Variants in NTM observed in about 807,000 individuals in gnomAD.
NTM encodes the protein IgLON family member 2.
Under a neutral mutation model 42.1 loss-of-function variants are expected in NTM, and 13 were observed. The ratio of observed to expected loss-of-function variants is 0.31; its 90% CI spans 0.20 to 0.49. The LOEUF (loss-of-function observed/expected upper bound fraction) is 0.49. Ranked by LOEUF, NTM falls within the 20% of genes least tolerant of loss-of-function variation. The pLI, the probability that NTM is intolerant of heterozygous loss-of-function variation, is 0.99. For missense variants in NTM, 373 were observed against 452.8 expected (o/e 0.82, Z 1.60); for synonymous variants, 187 against 179.2 (o/e 1.04, Z -0.35).
chr11:132,106,642 C>G (rs933304046), intron 2 of NTM, among the ~76,000 whole-genome samples: 1 of 152,162 alleles, frequency 6.6e-6, no homozygotes, highest in African/African-American at 2.4e-5. Context: ...CTGTCTGTAC[C>G]CACAGCCTAC....
chr11:131,590,900 G>T (rs1275444144), intron 1 of NTM, among the ~76,000 whole-genome samples: 1 of 152,164 alleles, frequency 6.6e-6, no homozygotes. Context: ...GATAGCATGC[G>T]AGTGGATACC....
At chr11:131,831,161 T>C (rs1432476418) in intron 1 of NTM, among the ~76,000 whole-genome samples, 1 of 152,188 alleles carries the variant, frequency 6.6e-6, no homozygotes, top group Admixed American at 6.5e-5. Flanking sequence ...CTTTTATTTC[T>C]TTTTCTTGCC....
chr11:131,527,117 G>T (rs1221866803), intron 1 of NTM, among the ~76,000 whole-genome samples: 1 of 152,162 alleles, frequency 6.6e-6, no homozygotes, highest in Non-Finnish European at 1.5e-5. Context: ...TGCCCACACT[G>T]TGTCTGATGT....
intron 1 of NTM, among the ~76,000 whole-genome samples, chr11:131,410,189 A>G (rs1946224149): frequency 6.6e-6 from 1 of 152,140 alleles, no homozygotes; most frequent in South Asian, 2.1e-4. Flanking sequence ...AACTAGTTCC[A>G]TCAAGGAGGG....
intron 1 of NTM, among the ~76,000 whole-genome samples, chr11:131,656,094 G>A (rs1766865134): frequency 6.6e-6 from 1 of 152,156 alleles, no homozygotes; most frequent in African/African-American, 2.4e-5. Context: ...CTGGGCCTCA[G>A]TACTCCCACC....
chr11:131,556,474 T>C (rs1592040648), intron 1 of NTM, among the ~76,000 whole-genome samples: 1 of 152,242 alleles, frequency 6.6e-6, no homozygotes, highest in South Asian at 2.1e-4. Context: ...ACTTTCAAGT[T>C]GTGAATTCTT....
In NTM at chr11:132,007,677, A is replaced by G. The variant is rs371540776; in HGVS notation, c.167+96029A>G. On this transcript the variant is annotated intron_variant, in intron 2 of 8. Coordinates refer to ENST00000683400, the MANE Select transcript of NTM (RefSeq NM_001352005.2). Reference sequence around the variant, plus strand: ...TGAATCCTTTTGTGAAGGAATAATCATCCACCTGATTTGCATTTGCTTTGT... The same window carrying G: ...TGAATCCTTTTGTGAAGGAATAATCGTCCACCTGATTTGCATTTGCTTTGT... Among the ~76,000 whole-genome samples the G allele has an allele frequency of 1.6e-4, 24 of 152,338 alleles. No individual in the cohort carries two copies. In the East Asian group the frequency reaches 4.4e-3, roughly 28 times the overall value.
intron 1 of NTM, among the ~76,000 whole-genome samples, chr11:131,851,320 C>A (rs1178987222): frequency 1.3e-5 from 2 of 152,104 alleles, no homozygotes; most frequent in African/African-American, 4.8e-5. Context: ...CAGTCCAGCA[C>A]CGGCATTTCA....
At chr11:132,054,626 G>A (rs760510478) in intron 2 of NTM, among the ~76,000 whole-genome samples, 1 of 152,214 alleles carries the variant, frequency 6.6e-6, no homozygotes, top group Non-Finnish European at 1.5e-5. Flanking sequence ...GTAGCTGGTA[G>A]AATAGAGTGT....
chr11:132,231,631 G>T (rs766059191), intron 4 of NTM, among the ~76,000 whole-genome samples: 6 of 152,188 alleles, frequency 3.9e-5, no homozygotes, highest in Non-Finnish European at 8.8e-5. Context: ...TATTCAAAAT[G>T]TGATGGTCCA....
intron 2 of NTM, chr11:131,981,359 C>T (rs1420446957): frequency 2.0e-5 from 3 of 152,218 alleles, no homozygotes; most frequent in African/African-American, 7.2e-5. Flanking sequence ...GACCACATGG[C>T]TTTCCGGTTA....
At chr11:132,262,109 C>G (rs2092897642) in intron 4 of NTM, among the ~76,000 whole-genome samples, 1 of 152,212 alleles carries the variant, frequency 6.6e-6, no homozygotes. Flanking sequence ...ACCCTGCTGG[C>G]ATTGTGCCTG....
intron 2 of NTM, among the ~76,000 whole-genome samples, chr11:131,957,487 A>G (rs1362616205): frequency 6.6e-6 from 1 of 152,094 alleles, no homozygotes; most frequent in African/African-American, 2.4e-5. Flanking sequence ...AATTTTTCTT[A>G]ATGTTCACTA....
intron 2 of NTM, among the ~76,000 whole-genome samples, chr11:131,997,026 G>C (rs1323782405): frequency 1.3e-5 from 2 of 152,208 alleles, no homozygotes; most frequent in African/African-American, 4.8e-5. Context: ...TATGAACATG[G>C]TCAGCTTCAC....
rs530574917 is a variant in NTM, at chr11:131,627,049, G to A, written c.82+256161G>A. Among the ~76,000 whole-genome samples the A allele has an allele frequency of 3.2e-4, 49 of 152,324 alleles. No individual in the cohort carries two copies. In the East Asian group the frequency reaches 6.0e-3, roughly 19 times the overall value. On this transcript the variant is annotated intron_variant, in intron 1 of 8. Coordinates refer to ENST00000683400, the MANE Select transcript of NTM (RefSeq NM_001352005.2). ...CAAGCTGGTTGCTCCAGCGGGCTCA[G>A]GCGCTGGAATGGGAGATTAATTGAT...
At chr11:132,128,638 G>C (rs2066264094) in intron 2 of NTM, among the ~76,000 whole-genome samples, 1 of 151,980 alleles carries the variant, frequency 6.6e-6, no homozygotes, top group East Asian at 1.9e-4. Context: ...TAAGGGGCTG[G>C]GCATGGTGGC....
At chr11:131,370,972 G>C in intron 1 of NTM, 84 bp downstream of exon 1, 1 of 1,577,132 alleles carries the variant, frequency 6.3e-7, no homozygotes, top group Admixed American at 1.9e-5. Flanking sequence ...CCCCGAGTCG[G>C]CTGTGCTGCG....
intron 4 of NTM, among the ~76,000 whole-genome samples, chr11:132,275,754 A>ATATATATGTGTG (rs2093700517): frequency 2.3e-4 from 34 of 146,386 alleles, no homozygotes; most frequent in African/African-American, 8.3e-4. Context: ...ATATGTGTAT[A>ATATATATGTGTG]TATATATATA....
chr11:131,646,918 T>A (rs1456554860), intron 1 of NTM, among the ~76,000 whole-genome samples: 1 of 152,220 alleles, frequency 6.6e-6, no homozygotes, highest in East Asian at 1.9e-4. Context: ...ACATTCACAC[T>A]ATAAAGTGCT....
Sources: allele counts gnomAD v4.1 joint callset (sites outside exome capture counted in the v4.1 genomes callset), GRCh38; gene constraint gnomAD v4.1.1; transcripts MANE v1.5; gene names NCBI Gene and HGNC (gene_info 2026-07-23, HGNC 2026-07-21).